TENM1: variants seen among roughly 807,000 people sequenced by gnomAD.
TENM1 encodes the protein teneurin transmembrane protein 1.
Under a neutral mutation model 174.8 loss-of-function variants are expected in TENM1, and 35 were observed. That is an observed-to-expected ratio of 0.20 (90% CI 0.15 to 0.27). The LOEUF (loss-of-function observed/expected upper bound fraction) is 0.27. Among genes scored for constraint, TENM1 ranks in the 10% least tolerant of loss-of-function variants. The probability of loss-of-function intolerance (pLI) is 1.00; values close to 1 mark genes in which losing one functional copy is unlikely to be tolerated. For missense variants in TENM1, 1,633 were observed against 2,130.1 expected (o/e 0.77, Z 4.59); for synonymous variants, 781 against 798.7 (o/e 0.98, Z 0.37).
the TENM1 span, among the ~76,000 whole-genome samples, chrX:125,157,170 C>A: frequency 1.1e-4 from 12 of 112,283 alleles, no homozygotes; most frequent in Non-Finnish European, 1.5e-4. Context: ...TTTTTTAAAA[C>A]TCTCCCTAGC....
intron 27 of TENM1, among the ~76,000 whole-genome samples, chrX:124,397,746 C>T (rs1314089748): frequency 4.6e-5 from 5 of 109,342 alleles, no homozygotes; most frequent in Non-Finnish European, 9.6e-5. Flanking sequence ...TATAGGCACC[C>T]GCCACCATGC....
chrX:124,492,185 A>G (rs1458293673), intron 20 of TENM1, among the ~76,000 whole-genome samples: 1 of 111,829 alleles, frequency 8.9e-6, no homozygotes, highest in Non-Finnish European at 1.9e-5. Context: ...AATACAACCA[A>G]TAACATAATG....
chrX:124,976,419 T>C, the TENM1 span, among the ~76,000 whole-genome samples: 1 of 111,587 alleles, frequency 9.0e-6, no homozygotes, highest in Non-Finnish European at 1.9e-5. Context: ...ACAGAATCTC[T>C]GAAATAAGGT....
At chrX:124,752,542 G>T (rs1296608990) in intron 3 of TENM1, among the ~76,000 whole-genome samples, 1 of 111,794 alleles carries the variant, frequency 8.9e-6, no homozygotes, top group Non-Finnish European at 1.9e-5. Context: ...ATTGCTTTTG[G>T]TGTTTTAGAC....
At chrX:125,154,443 G>A in the TENM1 span, among the ~76,000 whole-genome samples, 14 of 111,981 alleles carry the variant, frequency 1.3e-4, no homozygotes, top group East Asian at 3.9e-3. Flanking sequence ...ACACCTTACC[G>A]TGTTAACAGA....
chrX:124,662,975 C>T (rs2051651053), intron 6 of TENM1, among the ~76,000 whole-genome samples: 1 of 112,126 alleles, frequency 8.9e-6, no homozygotes. Context: ...AAAGTAGCAG[C>T]TTGGCTGATA....
the TENM1 span, among the ~76,000 whole-genome samples, chrX:125,033,500 A>T: frequency 8.9e-6 from 1 of 111,815 alleles, no homozygotes; most frequent in African/African-American, 3.2e-5. Context: ...GTGACGATAC[A>T]GCCTGCTAAA....
intron 3 of TENM1, among the ~76,000 whole-genome samples, chrX:124,782,872 G>C (rs2147178513): frequency 9.0e-6 from 1 of 110,751 alleles, no homozygotes; most frequent in East Asian, 2.8e-4. Context: ...TAAACTTTTT[G>C]AAGTATTTTT....
intron 3 of TENM1, among the ~76,000 whole-genome samples, chrX:124,887,506 T>C (rs750961180): frequency 8.1e-5 from 9 of 111,643 alleles, no homozygotes; most frequent in Non-Finnish European, 1.5e-4. Context: ...GTTTTTACTA[T>C]TAATTTTTAA....
intron 14 of TENM1, among the ~76,000 whole-genome samples, chrX:124,551,756 T>C (rs1396918254): frequency 8.9e-6 from 1 of 112,266 alleles, no homozygotes; most frequent in Non-Finnish European, 1.9e-5. Flanking sequence ...ATAATAAGCT[T>C]ACTATCTAGT....
chrX:124,692,139 G>A lies in TENM1; in HGVS notation c.1015+12874C>T, dbSNP rs181884773. On this transcript the variant is annotated intron_variant, in intron 5 of 31. Coordinates refer to ENST00000422452, the Ensembl canonical transcript of TENM1. Reference sequence around the variant, plus strand: ...ATGTTTTATGAAACCTTGAGAAGAAGGTGTATTCTCTAATATCAGGGTGTT... The same window carrying A: ...ATGTTTTATGAAACCTTGAGAAGAAAGTGTATTCTCTAATATCAGGGTGTT... Among the ~76,000 whole-genome samples the A allele has an allele frequency of 1.1e-4, 12 of 111,667 alleles. No individual in the cohort carries two copies. The East Asian group carries it at 3.4e-3, about 31-fold the overall frequency.
chrX:124,968,603 A>G (rs1404579139), upstream of TENM1, among the ~76,000 whole-genome samples: 6 of 112,126 alleles, frequency 5.4e-5, no homozygotes, highest in African/African-American at 1.9e-4. Context: ...AAGGTTATTG[A>G]GTGCCCTTGG....
At chrX:124,705,412 C>A (rs759105736) in intron 4 of TENM1, among the ~76,000 whole-genome samples, 161 bp from the exon 8 acceptor site, 2 of 111,786 alleles carry the variant, frequency 1.8e-5, no homozygotes, top group African/African-American at 3.2e-5. Flanking sequence ...TTCTAAATTG[C>A]CCTTGTTGTT....
chrX:124,468,028 A>G (rs1227741375), intron 22 of TENM1, among the ~76,000 whole-genome samples: 1 of 110,376 alleles, frequency 9.1e-6, no homozygotes, highest in African/African-American at 3.3e-5. Flanking sequence ...CAAAGTGCTG[A>G]TATTTCTAAA....
intron 11 of TENM1, among the ~76,000 whole-genome samples, chrX:124,640,527 G>T (rs2148368739): frequency 8.9e-6 from 1 of 112,038 alleles, no homozygotes; most frequent in Non-Finnish European, 1.9e-5. Flanking sequence ...TATTTAATGA[G>T]TACATGGTTT....
At chrX:124,653,527 C>G (rs2051362595) in intron 7 of TENM1, 57 bp downstream of exon 10, 1 of 1,008,876 alleles carries the variant, frequency 9.9e-7, no homozygotes, top group Admixed American at 2.3e-5. Context: ...AAACCCTGAA[C>G]TGTTCAACCC....
intron 11 of TENM1, among the ~76,000 whole-genome samples, chrX:124,566,903 ATC>A (rs1417505551): frequency 8.9e-6 from 1 of 112,077 alleles, no homozygotes; most frequent in Non-Finnish European, 1.9e-5. Flanking sequence ...TATTGTCTTA[ATC>A]TCTGTTTGCG....
At chrX:124,455,109 C>A (rs1420630523) in intron 22 of TENM1, among the ~76,000 whole-genome samples, 1 of 111,848 alleles carries the variant, frequency 8.9e-6, no homozygotes, top group African/African-American at 3.3e-5. Flanking sequence ...TTGATTAATC[C>A]TGATGTTTGA....
chrX:125,085,570 A>G, the TENM1 span, among the ~76,000 whole-genome samples: 1 of 111,379 alleles, frequency 9.0e-6, no homozygotes, highest in Middle Eastern at 4.2e-3. Flanking sequence ...CAAAAACTTA[A>G]TTTATTTCTA....
Sources: allele counts gnomAD v4.1 joint callset (sites outside exome capture counted in the v4.1 genomes callset), GRCh38; gene constraint gnomAD v4.1.1; transcripts MANE v1.5; gene names NCBI Gene and HGNC (gene_info 2026-07-23, HGNC 2026-07-21).